ANO2: variants seen among roughly 807,000 people sequenced by gnomAD.
ANO2 encodes anoctamin 2, also known as anoctamin-2.
In ANO2, 101 loss-of-function variants were observed where a neutral mutation model predicts 124.2. The observed-to-expected ratio is 0.81, with a 90% CI of 0.69 to 0.96. The LOEUF is 0.96. Ranked by LOEUF, ANO2 falls within the 40% of genes least tolerant of loss-of-function variation. The probability of loss-of-function intolerance (pLI) is 0.00; values close to 1 mark genes in which losing one functional copy is unlikely to be tolerated. For synonymous variants in ANO2, 486 were observed against 482.5 expected (o/e 1.01, Z -0.09); for missense variants, 1,293 against 1,274.5 (o/e 1.01, Z -0.22).
At chr12:5,869,786 G>A (rs1261213012) in intron 3 of ANO2, among the ~76,000 whole-genome samples, 1 of 152,196 alleles carries the variant, frequency 6.6e-6, no homozygotes, top group Non-Finnish European at 1.5e-5. Context: ...TCTGCAAGAC[G>A]AGAGTGGCTT....
intron 14 of ANO2, among the ~76,000 whole-genome samples, chr12:5,692,871 G>A (rs1949003531): frequency 6.6e-6 from 1 of 152,156 alleles, no homozygotes; most frequent in Non-Finnish European, 1.5e-5. Context: ...GAAAAGTATT[G>A]TTTCCGAGGG....
intron 10 of ANO2, among the ~76,000 whole-genome samples, chr12:5,752,317 T>C (rs1306634827): frequency 1.3e-5 from 2 of 152,216 alleles, no homozygotes; most frequent in African/African-American, 4.8e-5. Flanking sequence ...AGTGACCGCA[T>C]TGCCACCAAC....
intron 10 of ANO2, among the ~76,000 whole-genome samples, chr12:5,767,738 C>T (rs939066217): frequency 2.6e-5 from 4 of 152,182 alleles, no homozygotes; most frequent in Admixed American, 6.5e-5. Context: ...GCCCTTCCCC[C>T]CCATCTGCTT....
chr12:5,936,410 T>C (rs973428215), intron 1 of ANO2, among the ~76,000 whole-genome samples: 1 of 152,200 alleles, frequency 6.6e-6, no homozygotes, highest in Non-Finnish European at 1.5e-5. Flanking sequence ...ATAAGGGCTC[T>C]GCCTTTACAA....
chr12:5,590,147 T>A (rs1253874332), intron 20 of ANO2, among the ~76,000 whole-genome samples: 1 of 152,140 alleles, frequency 6.6e-6, no homozygotes, highest in Non-Finnish European at 1.5e-5. Flanking sequence ...ATGGGCCACA[T>A]ACGGCCCAGG....
intron 3 of ANO2, among the ~76,000 whole-genome samples, chr12:5,861,824 T>A (rs532913783): frequency 6.6e-6 from 1 of 152,032 alleles, no homozygotes; most frequent in Non-Finnish European, 1.5e-5. Flanking sequence ...ATCATCAAGA[T>A]TGAAGCTCAC....
intron 4 of ANO2, among the ~76,000 whole-genome samples, chr12:5,837,607 G>C (rs986744594): frequency 1.6e-3 from 236 of 151,616 alleles, no homozygotes; most frequent in Non-Finnish European, 2.5e-3. Context: ...ATAGTTTACT[G>C]AGAATGATGG....
At chr12:5,647,297 C>G (rs1486028312) in intron 15 of ANO2, among the ~76,000 whole-genome samples, 4 of 152,192 alleles carry the variant, frequency 2.6e-5, no homozygotes, top group Admixed American at 1.3e-4. Flanking sequence ...GTACCAAACT[C>G]TAAGGTAAAG....
chr12:5,797,159 T>C (rs1952888017), intron 10 of ANO2, among the ~76,000 whole-genome samples: 1 of 152,172 alleles, frequency 6.6e-6, no homozygotes, highest in Non-Finnish European at 1.5e-5. Context: ...TAAGTAGTCA[T>C]GGAGCAAAAC....
chr12:5,865,862 A>C (rs1955412416), intron 3 of ANO2, among the ~76,000 whole-genome samples: 1 of 152,240 alleles, frequency 6.6e-6, no homozygotes, highest in African/African-American at 2.4e-5. Context: ...TTTGGAAACC[A>C]GATAAATGAT....
intron 3 of ANO2, among the ~76,000 whole-genome samples, chr12:5,915,698 C>T (rs902053587): frequency 6.6e-6 from 1 of 152,170 alleles, no homozygotes; most frequent in Non-Finnish European, 1.5e-5. Context: ...TCCTGTGAAG[C>T]CCCCATTCCA....
intron 16 of ANO2, among the ~76,000 whole-genome samples, chr12:5,616,554 T>C (rs1402828456): frequency 6.6e-6 from 1 of 152,102 alleles, no homozygotes; most frequent in African/African-American, 2.4e-5. Context: ...TACTACATCA[T>C]ATGGACCAAG....
chr12:5,758,338 T>A (rs1951641007), intron 10 of ANO2, among the ~76,000 whole-genome samples: 1 of 152,166 alleles, frequency 6.6e-6, no homozygotes, highest in Admixed American at 6.5e-5. Flanking sequence ...AGGACATGAA[T>A]TCTAAGAAAC....
At chr12:5,643,582 G>A (rs558715092) in intron 15 of ANO2, among the ~76,000 whole-genome samples, 2 of 152,170 alleles carry the variant, frequency 1.3e-5, no homozygotes, top group Admixed American at 1.3e-4. Flanking sequence ...TAGAATTTCT[G>A]GGCCCCAGGA....
intron 9 of ANO2, among the ~76,000 whole-genome samples, chr12:5,802,587 A>T (rs1953075115): frequency 1.3e-5 from 2 of 152,140 alleles, no homozygotes; most frequent in East Asian, 3.9e-4. Flanking sequence ...GGGTCCCAGA[A>T]GGGACCAGCA....
intron 4 of ANO2, among the ~76,000 whole-genome samples, chr12:5,838,722 C>T (rs368514177): frequency 6.6e-6 from 1 of 152,172 alleles, no homozygotes; most frequent in African/African-American, 2.4e-5. Context: ...TGGATGAATA[C>T]CCGCCTCATA....
At chr12:5,883,755 G>A (rs1275930274) in intron 3 of ANO2, among the ~76,000 whole-genome samples, 3 of 152,188 alleles carry the variant, frequency 2.0e-5, no homozygotes, top group Middle Eastern at 3.4e-3. Context: ...ATGAAATGAG[G>A]ACTTTGCTGA....
At chr12:5,744,049 G>GA (rs1294209880) in intron 12 of ANO2, 108 bp downstream of exon 12, 2 of 1,369,454 alleles carry the variant, frequency 1.5e-6, no homozygotes, top group African/African-American at 1.5e-5. Context: ...GTGATGGGAA[G>GA]AAAAAATGCG....
At chr12:5,584,139 C>G (rs867721964) in intron 20 of ANO2, 31 of 162,080 alleles carry the variant, frequency 1.9e-4, no homozygotes, top group Admixed American at 2.7e-4. Flanking sequence ...ACACCCCCCC[C>G]CCGCCGCAAG....
Sources: allele counts gnomAD v4.1 joint callset (sites outside exome capture counted in the v4.1 genomes callset), GRCh38; gene constraint gnomAD v4.1.1; transcripts MANE v1.5; gene names NCBI Gene and HGNC (gene_info 2026-07-23, HGNC 2026-07-21).